The following VPS37A variants were observed in gnomAD, a reference collection of about 807,000 sequenced individuals.
VPS37A encodes VPS37A subunit of ESCRT-I.
A neutral mutation model predicts 49.8 loss-of-function variants in VPS37A; 30 were observed. That is an observed-to-expected ratio of 0.60 (90% CI 0.45 to 0.82). VPS37A has a LOEUF of 0.82. Among genes scored for constraint, VPS37A ranks in the 40% least tolerant of loss-of-function variants. The probability of loss-of-function intolerance (pLI) is 0.00; values close to 1 mark genes in which losing one functional copy is unlikely to be tolerated. For synonymous variants in VPS37A, 195 were observed against 160.6 expected, an observed-to-expected ratio of 1.21 and a Z score of -1.62; for missense variants, 593 against 464.4, an observed-to-expected ratio of 1.28 and a Z score of -2.55.
At chr8:17,288,080 A>T (rs746003640) in intron 11 of VPS37A, among the ~76,000 whole-genome samples, 14 of 152,196 alleles carry the variant, frequency 9.2e-5, no homozygotes, top group Non-Finnish European at 1.9e-4. Flanking sequence ...CCTTAAGGGT[A>T]GGGGCTGATT....
chr8:17,270,035 G>A (rs1446496543), intron 4 of VPS37A, among the ~76,000 whole-genome samples: 2 of 152,126 alleles, frequency 1.3e-5, no homozygotes, highest in African/African-American at 4.8e-5. Flanking sequence ...ATGAGAGCAA[G>A]AGTGAGGAGT....
intron 4 of VPS37A, among the ~76,000 whole-genome samples, chr8:17,272,413 C>G (rs1164179546): frequency 6.6e-6 from 1 of 152,156 alleles, no homozygotes; most frequent in Non-Finnish European, 1.5e-5. Flanking sequence ...AAAACCCATA[C>G]CTCTATCTTC....
intron 11 of VPS37A, among the ~76,000 whole-genome samples, chr8:17,292,416 T>C (rs1034519024): frequency 9.2e-5 from 14 of 152,228 alleles, no homozygotes; most frequent in African/African-American, 3.1e-4. Flanking sequence ...CTTGACTCTG[T>C]ATCATTTGCC....
At chr8:17,248,425 C>T (rs1294691958) in intron 1 of VPS37A, 1 of 453,626 alleles carries the variant, frequency 2.2e-6, no homozygotes, top group South Asian at 1.6e-5. Flanking sequence ...CAGGTGCGCG[C>T]CACCATGCGC....
chr8:17,285,712 T>C (rs1362177104), intron 10 of VPS37A, among the ~76,000 whole-genome samples: 7 of 152,198 alleles, frequency 4.6e-5, no homozygotes, highest in Non-Finnish European at 1.0e-4. Context: ...AGGCATTGAT[T>C]TCTGCTCCAT....
rs1286720625 is a variant in VPS37A, at chr8:17,280,355, C to CT, written c.901-16dup. 1 of 1,602,050 alleles carries CT rather than the reference C, an allele frequency of 6.2e-7. No individual in the cohort carries two copies. On this transcript the variant is annotated intron_variant, in intron 8 of 11. Coordinates refer to ENST00000324849, the MANE Select transcript of VPS37A (RefSeq NM_152415.3). ...TAATTTAAAAATAGAATAAAACAAC[C>CT]TTTTCATTTTCTCTTTTAGTATGAA...
chr8:17,251,725 G>A (rs1484319531), intron 1 of VPS37A, among the ~76,000 whole-genome samples: 1 of 152,172 alleles, frequency 6.6e-6, no homozygotes, highest in Non-Finnish European at 1.5e-5. Flanking sequence ...AATTGTTACT[G>A]TATTTTGTTC....
intron 3 of VPS37A, 50 bp downstream of exon 3, chr8:17,268,422 T>G (rs778411127): frequency 7.8e-7 from 1 of 1,277,272 alleles, no homozygotes; most frequent in South Asian, 1.4e-5. Flanking sequence ...GGTGTATTAC[T>G]TTTCTACTAA....
rs557228652 is a variant in VPS37A at position 17,248,378 on chromosome 8, C to T, written c.125+1009C>T. On this transcript the variant is annotated intron_variant, in intron 1 of 11. Coordinates refer to ENST00000324849, the MANE Select transcript of VPS37A (RefSeq NM_152415.3). ...CTCCCGGATTCAAGCAATCATCCTC[C>T]CTCAGCTCCCCACACCCCTCCGAGT... 1,131 of 455,750 alleles carry T rather than the reference C, an allele frequency of 2.5e-3. 2 individuals are homozygous for T. The highest frequency in any genetic ancestry group is 3.8e-3 in the Non-Finnish European group (860 of 226,930). 28.2% of individuals were successfully genotyped at this position (455,750 alleles called of 1,614,324 possible).
intron 1 of VPS37A, among the ~76,000 whole-genome samples, chr8:17,256,052 T>G (rs988626493): frequency 6.6e-6 from 1 of 152,130 alleles, no homozygotes; most frequent in Non-Finnish European, 1.5e-5. Context: ...ATATACCCAG[T>G]AGCAGAATTG....
chr8:17,329,401 A>G, the VPS37A span, among the ~76,000 whole-genome samples: 9 of 152,326 alleles, frequency 5.9e-5, no homozygotes, highest in East Asian at 1.5e-3. Flanking sequence ...TGCAAGCACC[A>G]TGTTCCCTTA....
chr8:17,306,049 G>C (rs1817433566), downstream of VPS37A: 3 of 954,376 alleles, frequency 3.1e-6, no homozygotes, highest in Non-Finnish European at 4.7e-6. Context: ...AGCAACCCTA[G>C]TTCCTAAATA....
In VPS37A at chr8:17,283,344, C is replaced by T. The variant is rs573291477; in HGVS notation, c.970-1129C>T. ...CTAATTTTTGTATTTTTTGTAGAGA[C>T]GGGGTCTCGCTATGTTGCCCAGCCT... is the stretch of plus-strand genomic sequence containing the variant. On this transcript the variant is annotated intron_variant, in intron 9 of 11. Coordinates refer to ENST00000324849, the MANE Select transcript of VPS37A (RefSeq NM_152415.3). 9.2e-5 allele frequency among the ~76,000 whole-genome samples: 14 copies of T among 152,072 alleles called. No individual in the cohort carries two copies. In the East Asian group the frequency reaches 9.7e-4, roughly 11 times the overall value.
intron 1 of VPS37A, chr8:17,247,933 A>G (rs985315886): frequency 1.6e-6 from 1 of 610,776 alleles, no homozygotes; most frequent in African/African-American, 1.8e-5. Context: ...TCTCACAGCG[A>G]CCAGTGCATG....
At chr8:17,292,079 C>A (rs1816209580) in intron 11 of VPS37A, among the ~76,000 whole-genome samples, 2 of 152,144 alleles carry the variant, frequency 1.3e-5, no homozygotes, top group African/African-American at 2.4e-5. Context: ...GTTAAAGTCT[C>A]CCACTATTAT....
At chr8:17,278,296 A>G (rs1216477935) in intron 6 of VPS37A, among the ~76,000 whole-genome samples, 1 of 152,148 alleles carries the variant, frequency 6.6e-6, no homozygotes, top group Non-Finnish European at 1.5e-5. Context: ...TCATTAATAT[A>G]GCAAGGGTCA....
intron 1 of VPS37A, among the ~76,000 whole-genome samples, chr8:17,249,585 C>T (rs898707169): frequency 1.3e-5 from 2 of 152,136 alleles, no homozygotes; most frequent in Non-Finnish European, 2.9e-5. Context: ...CAAAGAATGG[C>T]ACAATCCTGG....
chr8:17,280,251 T>G lies in VPS37A; in HGVS notation c.854T>G (p.Leu285Arg). Residue 285 changes from leucine (L) to arginine (R), a missense_variant, in exon 8 of 12, where the codon CTT becomes CGT. Physicochemically the swap from Leu to Arg is moderately radical, Grantham distance 102. Transcript: ENST00000324849. ...SIEELARKNL[L>R]LEPSLEAKRQ... ...ATTTATCTTACAGGAAAAAATCTCC[T>G]TTTGGAGCCCAGCTTGGAAGCCAAA... is the stretch of plus-strand genomic sequence containing the variant. 1 of 1,612,684 alleles carries G rather than the reference T, an allele frequency of 6.2e-7. No individual in the cohort carries two copies. Among genetic ancestry groups the G allele is most frequent in the African/African-American group, 1.3e-5 (1 of 74,994 alleles).
At chr8:17,331,185 T>C in the VPS37A span, 1 of 1,612,930 alleles carries the variant, frequency 6.2e-7, no homozygotes, top group East Asian at 2.2e-5. Flanking sequence ...CCTCATGACA[T>C]GGATGTTCTC....
Sources: gnomAD v4.1 joint callset for allele counts (sites outside exome capture counted in the v4.1 genomes callset) on GRCh38, gnomAD v4.1.1 for gene constraint, MANE v1.5 for transcripts, NCBI Gene and HGNC (gene_info 2026-07-23, HGNC 2026-07-21) for gene names.